EPHA6: variants seen among roughly 807,000 people sequenced by gnomAD.
The protein encoded by EPHA6 is EPH receptor A6, also known as ephrin type-A receptor 6.
Under a neutral mutation model 112.0 loss-of-function variants are expected in EPHA6, and 50 were observed. That is an observed-to-expected ratio of 0.45 (90% CI 0.36 to 0.56). The LOEUF (loss-of-function observed/expected upper bound fraction) is 0.56. EPHA6 is among the 20% of genes least tolerant of loss of function. The pLI is 0.00. For synonymous variants in EPHA6, 529 were observed against 490.7 expected (o/e 1.08, Z -1.03); for missense variants, 1,280 against 1,417.4 (o/e 0.90, Z 1.56).
At chr3:97,465,638 G>C (rs1461166751) in intron 7 of EPHA6, among the ~76,000 whole-genome samples, 4 of 152,010 alleles carry the variant, frequency 2.6e-5, no homozygotes, top group Non-Finnish European at 5.9e-5. Context: ...TCACTTTCAG[G>C]AGATGGTTAA....
rs1383665048 is a variant in EPHA6, at chr3:97,358,887, G to A, written c.1607-46263G>A. Among the ~76,000 whole-genome samples, 4 of 152,092 alleles carry A rather than the reference G, an allele frequency of 2.6e-5. No homozygotes were observed. In the East Asian group the frequency reaches 7.7e-4, roughly 29 times the overall value. ...GAATGTATCATCCCACTGACTTCTG[G>A]CCTCCAAAGTTTCTGATTAGTAACC... On this transcript the variant is annotated intron_variant, in intron 5 of 17. Transcript: ENST00000389672.
intron 14 of EPHA6, among the ~76,000 whole-genome samples, chr3:97,666,635 G>C (rs1252736752): frequency 1.3e-5 from 2 of 152,110 alleles, no homozygotes; most frequent in African/African-American, 4.8e-5. Flanking sequence ...AGGGATATTG[G>C]ATTAGAAGCC....
In EPHA6 at chr3:97,498,473, C is replaced by T. The variant is rs568431294; in HGVS notation, c.2200+14414C>T. ...AGTGAAATAATGGGCCATTACCTGA[C>T]TAAGGAGAAAAAAATAAAGGGGTAG... On this transcript the variant is annotated intron_variant, in intron 10 of 17. Transcript: ENST00000389672. 1.7e-3 allele frequency among the ~76,000 whole-genome samples: 252 copies of T among 151,678 alleles called. 2 individuals carry two copies. The highest frequency in any genetic ancestry group is 1.1e-3 in the Non-Finnish European group (74 of 67,932).
intron 14 of EPHA6, among the ~76,000 whole-genome samples, chr3:97,686,283 T>A (rs1213145660): frequency 6.6e-6 from 1 of 152,168 alleles, no homozygotes; most frequent in Non-Finnish European, 1.5e-5. Context: ...AATGACTCAC[T>A]GCAAATGATC....
rs139123169 is a variant in EPHA6 at position 97,269,489 on chromosome 3, A to G, written c.1606+25202A>G. ...CTTACACCTGGGGTGGACCCTGAACAGCTTCATTTCGAACAAAAATCCCCA... is the reference window on the plus strand; with the variant it reads ...CTTACACCTGGGGTGGACCCTGAACGGCTTCATTTCGAACAAAAATCCCCA... On this transcript the variant is annotated intron_variant, in intron 5 of 17. Coordinates refer to ENST00000389672, the MANE Select transcript of EPHA6 (RefSeq NM_001080448.3). 7.3e-3 allele frequency among the ~76,000 whole-genome samples: 1,116 copies of G among 152,292 alleles called. 4 individuals carry two copies. The highest frequency in any genetic ancestry group is 0.017 in the Middle Eastern group (5 of 294).
intron 14 of EPHA6, among the ~76,000 whole-genome samples, chr3:97,654,439 T>A (rs376208478): frequency 5.8e-4 from 88 of 152,038 alleles, no homozygotes; most frequent in African/African-American, 2.0e-3. Context: ...TTCATACAGT[T>A]TACAGTCTTG....
intron 3 of EPHA6, among the ~76,000 whole-genome samples, chr3:97,108,619 T>C (rs2047635626): frequency 6.6e-6 from 1 of 152,174 alleles, no homozygotes; most frequent in Admixed American, 6.6e-5. Flanking sequence ...ACCCACTCCA[T>C]ATGCTTCTGG....
intron 3 of EPHA6, among the ~76,000 whole-genome samples, chr3:97,183,851 T>C (rs2077054202): frequency 6.6e-6 from 1 of 152,122 alleles, no homozygotes; most frequent in Non-Finnish European, 1.5e-5. Flanking sequence ...AATCAGTGGA[T>C]TCTGCAGAAG....
intron 2 of EPHA6, among the ~76,000 whole-genome samples, chr3:96,927,668 C>T (rs1013733145): frequency 6.6e-6 from 1 of 152,148 alleles, no homozygotes; most frequent in African/African-American, 2.4e-5. Flanking sequence ...TTGTCCATGT[C>T]ATTATCAGCA....
chr3:97,253,446 A>G (rs1431514083), intron 5 of EPHA6, among the ~76,000 whole-genome samples: 1 of 152,190 alleles, frequency 6.6e-6, no homozygotes, highest in East Asian at 1.9e-4. Context: ...CGATACTTTT[A>G]TGCTCTGCTA....
intron 14 of EPHA6, among the ~76,000 whole-genome samples, chr3:97,672,398 T>C (rs547330719): frequency 1.3e-5 from 2 of 152,234 alleles, no homozygotes; most frequent in African/African-American, 4.8e-5. Context: ...TTCTGAAAAA[T>C]TAGTGGTTTT....
At chr3:96,822,869 G>C (rs1361398451) in intron 1 of EPHA6, among the ~76,000 whole-genome samples, 1 of 151,138 alleles carries the variant, frequency 6.6e-6, no homozygotes, top group Non-Finnish European at 1.5e-5. Flanking sequence ...CTAGAAATAG[G>C]AAAAGCACTA....
chr3:97,495,053 C>T (rs558289631), intron 10 of EPHA6, among the ~76,000 whole-genome samples: 40 of 152,152 alleles, frequency 2.6e-4, no homozygotes, highest in Non-Finnish European at 5.1e-4. Context: ...TGCTGTGCCT[C>T]GATTAATGCA....
At chr3:97,121,006 C>T (rs2048026472) in intron 3 of EPHA6, among the ~76,000 whole-genome samples, 2 of 151,776 alleles carry the variant, frequency 1.3e-5, no homozygotes, top group South Asian at 2.1e-4. Flanking sequence ...ACGTTCCTGC[C>T]AAGATCACAC....
At chr3:97,478,094 G>A (rs2091429247) in intron 8 of EPHA6, among the ~76,000 whole-genome samples, 1 of 150,270 alleles carries the variant, frequency 6.7e-6, no homozygotes, top group African/African-American at 2.5e-5. Context: ...TTTAACATCA[G>A]TATTACATTA....
intron 3 of EPHA6, among the ~76,000 whole-genome samples, chr3:97,050,362 A>G (rs919331190): frequency 6.6e-6 from 1 of 152,224 alleles, no homozygotes; most frequent in Non-Finnish European, 1.5e-5. Flanking sequence ...AACAATTAGC[A>G]GACAGACTCA....
At chr3:96,959,635 T>C (rs2041887597) in intron 2 of EPHA6, among the ~76,000 whole-genome samples, 1 of 152,182 alleles carries the variant, frequency 6.6e-6, no homozygotes, top group African/African-American at 2.4e-5. Context: ...TTAGCTTTTA[T>C]ATTTAAGTCT....
At chr3:97,145,151 AT>A (rs749872770) in intron 3 of EPHA6, among the ~76,000 whole-genome samples, 1 of 151,358 alleles carries the variant, frequency 6.6e-6, no homozygotes, top group African/African-American at 2.4e-5. Flanking sequence ...TATTAAGGTA[AT>A]TTTTTCCTTA....
At chr3:96,990,586 A>T (rs2043177910) in intron 3 of EPHA6, among the ~76,000 whole-genome samples, 1 of 152,200 alleles carries the variant, frequency 6.6e-6, no homozygotes, top group African/African-American at 2.4e-5. Context: ...AACAACAAGC[A>T]AACATGCCTG....
Sources: allele counts gnomAD v4.1 joint callset (sites outside exome capture counted in the v4.1 genomes callset), GRCh38; gene constraint gnomAD v4.1.1; transcripts MANE v1.5; gene names NCBI Gene and HGNC (gene_info 2026-07-23, HGNC 2026-07-21).